MYO18A: variants seen among roughly 807,000 people sequenced by gnomAD.
MYO18A encodes myosin XVIIIA.
Under a neutral mutation model 235.8 loss-of-function variants are expected in MYO18A, and 78 were observed. The observed-to-expected ratio is 0.33, with a 90% CI of 0.28 to 0.40. MYO18A has a LOEUF of 0.40. Among genes scored for constraint, MYO18A ranks in the 10% least tolerant of loss-of-function variants. The pLI, the probability that MYO18A is intolerant of heterozygous loss-of-function variation, is 1.00. For missense variants in MYO18A, 2,215 were observed against 2,699.3 expected, an observed-to-expected ratio of 0.82 and a Z score of 3.98; for synonymous variants, 977 against 1,077.8, an observed-to-expected ratio of 0.91 and a Z score of 1.83.
At chr17:29,093,187 A>T in intron 32 of MYO18A, 136 bp downstream of exon 32, 1 of 1,068,612 alleles carries the variant, frequency 9.4e-7, no homozygotes, top group African/African-American at 1.6e-5. Context: ...CCATCCCACA[A>T]GGGATGACGA....
intron 1 of MYO18A, among the ~76,000 whole-genome samples, chr17:29,174,379 C>T (rs1238716342): frequency 2.0e-5 from 3 of 152,094 alleles, no homozygotes; most frequent in Non-Finnish European, 4.4e-5. Context: ...CAGTGGTGCA[C>T]ACCTGTGATA....
chr17:29,107,058 C>T (rs369778079), intron 20 of MYO18A, 22 bp downstream of exon 20: 41 of 1,605,440 alleles, frequency 2.6e-5, no homozygotes, highest in Non-Finnish European at 3.3e-5. Flanking sequence ...AGAGGGAGAG[C>T]GGTCTGGGGA....
rs780656034 is a variant in MYO18A at position 29,121,202 on chromosome 17, T to C, written c.1381A>G (p.Met461Val). ...TCCTCCCGCCGACAACCCTTGAACA[T>C]GTGCATCACCTTGGGCAGGAGAGCA... ...PAVYSEKVMH[M>V]FKGCRREDMA... Residue 461 changes from methionine (M) to valine (V), a missense_variant, in exon 6 of 42, where the codon ATG becomes GTG. By Grantham distance (21) the Met-to-Val change is conservative. Coordinates refer to ENST00000527372, the MANE Select transcript of MYO18A (RefSeq NM_078471.4). This position sits in a 1 kb window ranked among gnomAD's most constrained non-coding sequence, Gnocchi z 4.2. The C allele has an allele frequency of 9.3e-6, 15 of 1,606,562 alleles. No individual in the cohort carries two copies. Among genetic ancestry groups the C allele is most frequent in the Admixed American group, 1.7e-5 (1 of 59,000 alleles).
Position 29,109,471 on chromosome 17 carries a change from T to C in MYO18A, c.3331+387A>G, listed in dbSNP as rs1440165614. Among the ~76,000 whole-genome samples the C allele has an allele frequency of 6.6e-6, 1 of 152,188 alleles. No homozygotes were observed. The highest frequency in any genetic ancestry group is 2.4e-5 in the African/African-American group (1 of 41,446). On this transcript the variant is annotated intron_variant, in intron 19 of 41. Coordinates refer to ENST00000527372, the MANE Select transcript of MYO18A (RefSeq NM_078471.4). This position sits in a 1 kb window ranked among gnomAD's most constrained non-coding sequence, Gnocchi z 4.1. ...GGGAATTTTAAGTACTTCAGAAAGA[T>C]TTAGCACCTCATTTCTCACTGGGCA...
chr17:29,074,208 C>G lies in MYO18A; in HGVS notation c.*562G>C. The G allele has an allele frequency of 6.3e-7, 1 of 1,580,970 alleles. No homozygotes were observed. Among genetic ancestry groups the G allele is most frequent in the Non-Finnish European group, 8.6e-7 (1 of 1,160,316 alleles). On this transcript the variant is annotated 3_prime_UTR_variant, in exon 42 of 42. Transcript: ENST00000527372. The surrounding 1 kb of genome is among the most constrained non-coding windows in gnomAD (Gnocchi z 4.4). The stretch of plus-strand genomic sequence containing the variant: ...GAAGATGGAGATGACATTCCCGAGT[C>G]GTTCTTGGGAGCCCCAGCTACCACT...
In MYO18A at chr17:29,125,764, T is replaced by C. The variant is rs2067305534; in HGVS notation, c.1000-3511A>G. On this transcript the variant is annotated intron_variant, in intron 2 of 41. Transcript: ENST00000527372. The surrounding 1 kb of genome is among the most constrained non-coding windows in gnomAD (Gnocchi z 5.1). Reference sequence around the variant, plus strand: ...CATTTCTTTAAGAGAGAGCCCAACATGAGGGCCCACAGGCCGCCATGGAGC... The same window carrying C: ...CATTTCTTTAAGAGAGAGCCCAACACGAGGGCCCACAGGCCGCCATGGAGC... 1.2e-5 allele frequency: 3 copies of C among 257,606 alleles called. No individual in the cohort carries two copies. Among genetic ancestry groups the C allele is most frequent in the Non-Finnish European group, 1.8e-5 (3 of 163,802 alleles). The allele number at this position is 257,606 out of a possible 1,614,324, so 16.0% of individuals were successfully genotyped here.
Position 29,083,207 on chromosome 17 carries a change from C to T in MYO18A, c.5898-769G>A, listed in dbSNP as rs191679048. 1.5e-3 allele frequency among the ~76,000 whole-genome samples: 223 copies of T among 152,302 alleles called. 1 individual carries two copies. The highest frequency in any genetic ancestry group is 5.1e-3 in the African/African-American group (210 of 41,562). On this transcript the variant is annotated intron_variant, in intron 40 of 41. Transcript: ENST00000527372. ...GCCCTGTCGCTCAAGGTCTCCTCTT[C>T]CGTCCTCAGGTAGCCCCCAGCCCTT...
chr17:29,151,084 CA>C (rs941620351), intron 2 of MYO18A, among the ~76,000 whole-genome samples: 22 of 151,596 alleles, frequency 1.5e-4, no homozygotes, highest in African/African-American at 5.3e-4. Context: ...CCCGTCTCTA[CA>C]AAAAAAATTT....
chr17:29,136,250 AATATAT>A (rs1247592713), intron 2 of MYO18A, among the ~76,000 whole-genome samples: 407 of 82,426 alleles, frequency 4.9e-3, no homozygotes, highest in African/African-American at 9.4e-3. Context: ...AAAAAAAAAA[AATATAT>A]ATATATATAT....
intron 2 of MYO18A, chr17:29,124,732 A>C (rs376518553): frequency 7.9e-7 from 1 of 1,261,730 alleles, no homozygotes; most frequent in Non-Finnish European, 1.0e-6. Flanking sequence ...AAGGGTGAAG[A>C]TAAGCAGACC....
Position 29,120,678 on chromosome 17 carries a change from A to G in MYO18A, c.1666T>C (p.Phe556Leu), listed in dbSNP as rs751036337. 2 of 1,613,880 alleles carry G rather than the reference A, an allele frequency of 1.2e-6. No individual in the cohort carries two copies. Among genetic ancestry groups the G allele is most frequent in the African/African-American group, 1.3e-5 (1 of 74,934 alleles). Residue 556 changes from phenylalanine (F) to leucine (L), a missense_variant, in exon 7 of 42, where the codon TTC becomes CTC. Phe to Leu is a conservative substitution (Grantham distance 22). Transcript: ENST00000527372. The surrounding 1 kb of genome is among the most constrained non-coding windows in gnomAD (Gnocchi z 4.2). Reference protein sequence around the residue: ...PTIINGNATRFSQILSLDFDQ... With the variant: ...PTIINGNATRLSQILSLDFDQ... ...AAGTCCAGGGAGAGGATCTGGGAGA[A>G]GCGGGTGGCATTGCCATTAATGATG...
At chr17:29,092,793 G>A in intron 33 of MYO18A, 62 bp downstream of exon 33, 1 of 1,586,564 alleles carries the variant, frequency 6.3e-7, no homozygotes, top group Non-Finnish European at 8.6e-7. Flanking sequence ...GCGAGAGAGA[G>A]AAAGAGAATG....
intron 1 of MYO18A, among the ~76,000 whole-genome samples, chr17:29,178,106 A>G (rs2068572710): frequency 1.3e-5 from 2 of 152,242 alleles, no homozygotes; most frequent in Non-Finnish European, 1.5e-5. Context: ...TGCAGTCCTC[A>G]ATGAATAGCC....
Position 29,120,734 on chromosome 17 carries a change from G to T in MYO18A, c.1610C>A (p.Thr537Asn), listed in dbSNP as rs779320325. ...GCTGTTCCCAAAGGCTTCCAGGAGG[G>T]TGTACAGAGCCTGCCACTTCTCCAC... ...FSVEKWQALYTLLEAFGNSPT... is the reference protein window; with the variant it reads ...FSVEKWQALYNLLEAFGNSPT... The change falls in exon 7 of 42, where the codon ACC becomes AAC. Residue 537 changes from threonine to asparagine, a missense_variant. Coordinates refer to ENST00000527372, the MANE Select transcript of MYO18A (RefSeq NM_078471.4). The surrounding 1 kb of genome is among the most constrained non-coding windows in gnomAD (Gnocchi z 4.2). 6 of 1,613,828 alleles carry T rather than the reference G, an allele frequency of 3.7e-6. No homozygotes were observed. The Admixed American group carries it at 5.0e-5, about 13-fold the overall frequency.
At chr17:29,093,282 C>G (rs1312824910) in intron 32 of MYO18A, 41 bp downstream of exon 32, 8 of 1,545,452 alleles carry the variant, frequency 5.2e-6, no homozygotes, top group Non-Finnish European at 6.2e-6. Context: ...GCCGCATGGG[C>G]AGGGAGCCGG....
chr17:29,179,558 G>C lies in MYO18A; in HGVS notation c.-82+755C>G, dbSNP rs1405134110. On this transcript the variant is annotated intron_variant, in intron 1 of 41. Coordinates refer to ENST00000527372, the MANE Select transcript of MYO18A (RefSeq NM_078471.4). ...GCATGACAGGTTAGCAGGGCGGGGC[G>C]TCGGGGCGGTCTCTCCAGAGGCCTG... Among the ~76,000 whole-genome samples, 4 of 152,280 alleles carry C rather than the reference G, an allele frequency of 2.6e-5. No homozygotes were observed. In the East Asian group the frequency reaches 7.7e-4, roughly 29 times the overall value.
intron 41 of MYO18A, chr17:29,075,211 C>G (rs553550508): frequency 3.1e-6 from 1 of 319,902 alleles, no homozygotes; most frequent in Non-Finnish European, 6.3e-6. Flanking sequence ...AACCTTGAAT[C>G]GCTGGCTTTT....
Position 29,087,072 on chromosome 17 carries a change from C to T in MYO18A, c.5576G>A (p.Arg1859Gln), listed in dbSNP as rs368543534. 6.1e-5 allele frequency: 98 copies of T among 1,613,960 alleles called. No individual in the cohort carries two copies. The African/African-American group carries it at 9.3e-4, about 15-fold the overall frequency. The change falls in exon 38 of 42, where the codon CGG (arginine) becomes CAG (glutamine). Residue 1859 changes from arginine (R) to glutamine (Q), a missense_variant. Coordinates refer to ENST00000527372, the MANE Select transcript of MYO18A (RefSeq NM_078471.4). Reference sequence around the variant, plus strand: ...GTTCTCGGCTGCAATGCGCTGATCCCGCTCCTCAGTCAGCTTCTCCATGTT... The same window carrying T: ...GTTCTCGGCTGCAATGCGCTGATCCTGCTCCTCAGTCAGCTTCTCCATGTT... ...KENMEKLTEE[R>Q]DQRIAAENRE...
chr17:29,123,480 G>A (rs556597057), intron 2 of MYO18A, among the ~76,000 whole-genome samples: 3 of 152,356 alleles, frequency 2.0e-5, no homozygotes, highest in African/African-American at 7.2e-5. Context: ...TAAGAAGTAT[G>A]TTCTTTGTCA....
Sources: gnomAD v4.1 joint callset for allele counts (sites outside exome capture counted in the v4.1 genomes callset) on GRCh38, gnomAD v4.1.1 for gene constraint, Gnocchi (gnomAD v3.1) non-coding constraint, MANE v1.5 for transcripts, NCBI Gene and HGNC (gene_info 2026-07-23, HGNC 2026-07-21) for gene names.